DPYD: variants seen among roughly 807,000 people sequenced by gnomAD.
The protein encoded by DPYD is dihydropyrimidine dehydrogenase [NADP(+)].
In DPYD, 109 loss-of-function variants were observed where a neutral mutation model predicts 116.2. The observed-to-expected ratio is 0.94, with a 90% CI of 0.80 to 1.10. The LOEUF is 1.10. Ranked by LOEUF, DPYD falls within the 50% of genes least tolerant of loss-of-function variation. The pLI, the probability that DPYD is intolerant of heterozygous loss-of-function variation, is 0.00. For synonymous variants in DPYD, 440 were observed against 432.0 expected, an observed-to-expected ratio of 1.02 and a Z score of -0.23; for missense variants, 1,302 against 1,254.5, an observed-to-expected ratio of 1.04 and a Z score of -0.57.
At chr1:97,114,764 T>C (rs1384174065) in intron 20 of DPYD, among the ~76,000 whole-genome samples, 2 of 152,072 alleles carry the variant, frequency 1.3e-5, no homozygotes, top group Non-Finnish European at 2.9e-5. Context: ...AAAAAACCCA[T>C]CATATTCAAT....
rs143360956 is a variant in DPYD at position 97,914,034 on chromosome 1, TATA to T, written c.39+6847_39+6849del. On this transcript the variant is annotated intron_variant, in intron 1 of 22. Coordinates refer to ENST00000370192, the MANE Select transcript of DPYD (RefSeq NM_000110.4). The stretch of plus-strand genomic sequence containing the variant: ...CCTCAAGGGGACATTCATAAGTGCT[TATA>T]ATATCAATTTCCAAGCACCTGGGAG... Among the ~76,000 whole-genome samples, 286 of 152,240 alleles carry T rather than the reference TATA, an allele frequency of 1.9e-3. 8 individuals are homozygous for T. In the East Asian group the frequency reaches 0.047, roughly 25 times the overall value.
chr1:97,697,418 A>C (rs986001393), intron 6 of DPYD, among the ~76,000 whole-genome samples: 3 of 152,138 alleles, frequency 2.0e-5, no homozygotes, highest in Non-Finnish European at 4.4e-5. Flanking sequence ...TCAAGATACA[A>C]GAGAATGAGA....
intron 13 of DPYD, among the ~76,000 whole-genome samples, chr1:97,472,608 A>G (rs556958728): frequency 6.6e-6 from 1 of 152,324 alleles, no homozygotes; most frequent in East Asian, 1.9e-4. Context: ...CAGTAAGCAG[A>G]TGATGGCCAG....
chr1:97,272,329 G>A (rs912623554), intron 18 of DPYD, among the ~76,000 whole-genome samples: 1 of 152,112 alleles, frequency 6.6e-6, no homozygotes, highest in African/African-American at 2.4e-5. Flanking sequence ...CAATTAATCA[G>A]CTATGGTATG....
intron 12 of DPYD, among the ~76,000 whole-genome samples, chr1:97,534,124 C>A (rs985965159): frequency 1.5e-4 from 23 of 152,140 alleles, no homozygotes; most frequent in Non-Finnish European, 1.5e-4. Context: ...ATATGGCAGG[C>A]ATTTCATTGG....
intron 12 of DPYD, among the ~76,000 whole-genome samples, chr1:97,540,504 G>A (rs1345742518): frequency 2.0e-5 from 3 of 152,168 alleles, no homozygotes; most frequent in Non-Finnish European, 4.4e-5. Flanking sequence ...CAGAGCAGAA[G>A]CTTCTGTCCC....
In DPYD at chr1:97,282,338, T is replaced by C. The variant is rs1000595836; in HGVS notation, c.2299+22921A>G. ...TTAAAGACAATATGCAGTCAAATATTTGCAATATTTTCACTGATATTTTTC... is the reference window on the plus strand; with the variant it reads ...TTAAAGACAATATGCAGTCAAATATCTGCAATATTTTCACTGATATTTTTC... On this transcript the variant is annotated intron_variant, in intron 18 of 22. Transcript: ENST00000370192. Among the ~76,000 whole-genome samples the C allele has an allele frequency of 4.6e-5, 7 of 151,096 alleles. No individual in the cohort carries two copies. In the East Asian group the frequency reaches 1.4e-3, roughly 29 times the overall value.
intron 16 of DPYD, chr1:97,322,655 T>A (rs747400322): frequency 6.6e-6 from 1 of 152,010 alleles, no homozygotes; most frequent in Non-Finnish European, 1.5e-5. Context: ...AGCATACATG[T>A]CATAAGGGGT....
Position 97,441,961 on chromosome 1 carries a change from T to C in DPYD, c.1905+8098A>G, listed in dbSNP as rs1019659424. 7.2e-5 allele frequency among the ~76,000 whole-genome samples: 11 copies of C among 152,312 alleles called. No individual in the cohort carries two copies. In the East Asian group the frequency reaches 1.9e-3, roughly 27 times the overall value. On this transcript the variant is annotated intron_variant, in intron 14 of 22. Coordinates refer to ENST00000370192, the MANE Select transcript of DPYD (RefSeq NM_000110.4). ...AGAGTCTTATTTATATTCTATTCAATGCTTGTGGTCATAGAGTTTTCCAGT... is the reference window on the plus strand; with the variant it reads ...AGAGTCTTATTTATATTCTATTCAACGCTTGTGGTCATAGAGTTTTCCAGT...
At chr1:97,573,709 C>A (rs774756796) in intron 11 of DPYD, 51 bp downstream of exon 11, 1 of 1,603,616 alleles carries the variant, frequency 6.2e-7, no homozygotes, top group Non-Finnish European at 8.5e-7. Context: ...ACTATTACAG[C>A]ACTAAAATAA....
chr1:97,446,725 G>A, intron 14 of DPYD, among the ~76,000 whole-genome samples: 1 of 152,004 alleles, frequency 6.6e-6, no homozygotes, highest in Non-Finnish European at 1.5e-5. Context: ...AGTGCAGCAT[G>A]TATTTTTTGT....
At chr1:97,134,984 T>C (rs1653674610) in intron 20 of DPYD, among the ~76,000 whole-genome samples, 1 of 152,000 alleles carries the variant, frequency 6.6e-6, no homozygotes, top group South Asian at 2.1e-4. Context: ...GTCTTATATA[T>C]ATATATTTTT....
intron 16 of DPYD, among the ~76,000 whole-genome samples, chr1:97,328,229 A>G (rs1364291716): frequency 6.6e-6 from 1 of 152,186 alleles, no homozygotes; most frequent in African/African-American, 2.4e-5. Context: ...TGTTATTCAT[A>G]ATAGAATTGC....
At chr1:97,278,939 C>G (rs1278506459) in intron 18 of DPYD, among the ~76,000 whole-genome samples, 1 of 151,850 alleles carries the variant, frequency 6.6e-6, no homozygotes, top group Non-Finnish European at 1.5e-5. Flanking sequence ...TTTCCCACAG[C>G]TCTTTGCAGA....
chr1:97,832,880 C>A lies in DPYD; in HGVS notation c.151-4684G>T, dbSNP rs147426497. Among the ~76,000 whole-genome samples, 330 of 151,344 alleles carry A rather than the reference C, an allele frequency of 2.2e-3. 2 individuals are homozygous for A. The highest frequency in any genetic ancestry group is 7.7e-3 in the African/African-American group (319 of 41,220). On this transcript the variant is annotated intron_variant, in intron 2 of 22. Coordinates refer to ENST00000370192, the MANE Select transcript of DPYD (RefSeq NM_000110.4). The stretch of plus-strand genomic sequence containing the variant: ...AATAATATACAAGGAGATTTCAGAA[C>A]GCTGAGGATTTTAAATAAAATTCAC...
chr1:97,081,688 T>G (rs1039040610), intron 22 of DPYD, among the ~76,000 whole-genome samples: 7 of 150,148 alleles, frequency 4.7e-5, no homozygotes, highest in Admixed American at 1.3e-4. Flanking sequence ...CAATTTTTCT[T>G]TCTTTTTCTT....
At chr1:97,483,953 G>A (rs183046519) in intron 13 of DPYD, among the ~76,000 whole-genome samples, 1 of 152,296 alleles carries the variant, frequency 6.6e-6, no homozygotes, top group East Asian at 1.9e-4. Context: ...AGCACAAAGT[G>A]AATGAACTAA....
intron 16 of DPYD, among the ~76,000 whole-genome samples, chr1:97,368,607 A>G (rs1354926882): frequency 6.6e-6 from 1 of 152,122 alleles, no homozygotes; most frequent in Non-Finnish European, 1.5e-5. Flanking sequence ...TTCTTTTGAT[A>G]GCTGATGGAA....
chr1:97,568,542 G>A (rs990366112), intron 11 of DPYD, among the ~76,000 whole-genome samples: 5 of 151,884 alleles, frequency 3.3e-5, no homozygotes, highest in Non-Finnish European at 7.4e-5. Flanking sequence ...TTCCAGCTGG[G>A]GCAGCCTGGC....
Sources: gnomAD v4.1 joint callset for allele counts (sites outside exome capture counted in the v4.1 genomes callset) on GRCh38, gnomAD v4.1.1 for gene constraint, MANE v1.5 for transcripts, NCBI Gene and HGNC (gene_info 2026-07-23, HGNC 2026-07-21) for gene names.